PHF3: variants seen among roughly 807,000 people sequenced by gnomAD.
The protein encoded by PHF3 is PHD finger protein 3.
Under a neutral mutation model 178.4 loss-of-function variants are expected in PHF3, and 41 were observed. The observed-to-expected ratio is 0.23, with a 90% CI of 0.18 to 0.30. The LOEUF is 0.30. Among genes scored for constraint, PHF3 ranks in the 10% least tolerant of loss-of-function variants. The probability of loss-of-function intolerance (pLI) is 1.00; values close to 1 mark genes in which losing one functional copy is unlikely to be tolerated. For missense variants in PHF3, 2,346 were observed against 2,398.1 expected (o/e 0.98, Z 0.45); for synonymous variants, 842 against 800.5 (o/e 1.05, Z -0.88).
At chr6:63,699,738 A>G (rs61268055) in intron 8 of PHF3, among the ~76,000 whole-genome samples, 12,651 of 151,968 alleles carry the variant, frequency 0.083, 567 homozygotes, top group East Asian at 0.16. Context: ...TTACAGGCAC[A>G]CGCCGCCACG....
chr6:63,680,228 C>G, intron 3 of PHF3, 67 bp downstream of exon 3: 2 of 1,281,486 alleles, frequency 1.6e-6, no homozygotes, highest in Non-Finnish European at 2.1e-6. Context: ...AGGTTATAAA[C>G]CTGCTGAGCA....
chr6:63,721,555 C>T lies in PHF3; in HGVS notation c.*7847C>T, dbSNP rs892093060. The T allele has an allele frequency of 6.4e-7, 1 of 1,551,812 alleles. No individual in the cohort carries two copies. Among genetic ancestry groups the T allele is most frequent in the Non-Finnish European group, 8.7e-7 (1 of 1,146,890 alleles). On this transcript the variant is annotated 3_prime_UTR_variant, in exon 16 of 16. Coordinates refer to ENST00000262043, the MANE Select transcript of PHF3 (RefSeq NM_001370348.2). ...GGATTTACAAGATTTAAAGAAGATA[C>T]TCCTCCAATATAGAAGTCTGTATTT...
At position 63,685,554 on chromosome 6, in the gene PHF3, A is replaced by C. The variant is rs1766654617; in HGVS notation, c.1832A>C (p.His611Pro). Residue 611 changes from histidine to proline, a missense_variant, in exon 4 of 16, where the codon CAT (histidine) becomes CCT (proline). His to Pro is a moderately conservative substitution (Grantham distance 77). This residue lies in a region of PHF3 where 843 missense variants were observed against 795.2 expected (regional missense o/e 1.06). Transcript: ENST00000262043. ...HAHPGCLKEP[H>P]HPAQTGHVSH... ...CATCCTGGTTGCTTGAAAGAACCTCATCATCCTGCACAAACTGGACATGTA... is the reference window on the plus strand; with the variant it reads ...CATCCTGGTTGCTTGAAAGAACCTCCTCATCCTGCACAAACTGGACATGTA... 3 of 1,614,152 alleles carry C rather than the reference A, an allele frequency of 1.9e-6. No individual in the cohort carries two copies. Among genetic ancestry groups the C allele is most frequent in the South Asian group, 2.2e-5 (2 of 91,080 alleles).
At position 63,713,918 on chromosome 6, in the gene PHF3, A is replaced by T; in HGVS notation, c.*210A>T. On this transcript the variant is annotated 3_prime_UTR_variant, in exon 16 of 16. Transcript: ENST00000262043. ...CATACCAACGGTCCCTAGTTATAGG[A>T]ATTTAATATTTTTAAAAGTTTTACA... is the stretch of plus-strand genomic sequence containing the variant. 1 of 405,104 alleles carries T rather than the reference A, an allele frequency of 2.5e-6. No individual in the cohort carries two copies. Among genetic ancestry groups the T allele is most frequent in the Non-Finnish European group, 4.3e-6 (1 of 230,062 alleles). 25.1% of individuals were successfully genotyped at this position (405,104 alleles called of 1,614,324 possible).
chr6:63,682,766 T>C (rs533146247), intron 3 of PHF3, among the ~76,000 whole-genome samples: 2 of 152,168 alleles, frequency 1.3e-5, no homozygotes, highest in Non-Finnish European at 1.5e-5. Flanking sequence ...AATTGCTTCC[T>C]ATTGGAAAAC....
intron 1 of PHF3, among the ~76,000 whole-genome samples, chr6:63,638,670 T>G (rs774953636): frequency 6.6e-6 from 1 of 152,168 alleles, no homozygotes; most frequent in African/African-American, 2.4e-5. Context: ...GAATTCTTTC[T>G]GACAAGTGGC....
intron 4 of PHF3, among the ~76,000 whole-genome samples, chr6:63,687,563 A>C (rs909546877): frequency 6.6e-6 from 1 of 152,210 alleles, no homozygotes; most frequent in African/African-American, 2.4e-5. Flanking sequence ...AAAAATTATC[A>C]TGTGGACAGA....
At chr6:63,677,816 T>C (rs2149575393) in intron 2 of PHF3, among the ~76,000 whole-genome samples, 1 of 150,842 alleles carries the variant, frequency 6.6e-6, no homozygotes. Flanking sequence ...ATGTTTCTTA[T>C]GCATCTTTGT....
At position 63,720,413 on chromosome 6, in the gene PHF3, T is replaced by C. The variant is rs1470683799; in HGVS notation, c.*6705T>C. 59 of 522,648 alleles carry C rather than the reference T, an allele frequency of 1.1e-4. No homozygotes were observed. In the East Asian group the frequency reaches 1.8e-3, roughly 16 times the overall value. The allele number at this position is 522,648 out of a possible 1,614,324, so 32.4% of individuals were successfully genotyped here. On this transcript the variant is annotated 3_prime_UTR_variant, in exon 16 of 16. Transcript: ENST00000262043. ...TCAAAATATATACAGATAAATTAGA[T>C]GTAGGAAAAACAATCAGAACCTTCA... is the stretch of plus-strand genomic sequence containing the variant.
At chr6:63,655,219 A>G (rs1006009317) in intron 2 of PHF3, among the ~76,000 whole-genome samples, 5 of 152,006 alleles carry the variant, frequency 3.3e-5, no homozygotes, top group African/African-American at 1.2e-4. Flanking sequence ...GCCCACCACC[A>G]TGCCCGCCAC....
chr6:63,669,641 C>T (rs1186778813), intron 2 of PHF3, among the ~76,000 whole-genome samples: 2 of 152,034 alleles, frequency 1.3e-5, no homozygotes, highest in Non-Finnish European at 2.9e-5. Flanking sequence ...AGTAGTTTTT[C>T]TCTGAGGGTT....
At chr6:63,672,142 A>G (rs1451446126) in intron 2 of PHF3, among the ~76,000 whole-genome samples, 1 of 152,212 alleles carries the variant, frequency 6.6e-6, no homozygotes, top group East Asian at 1.9e-4. Context: ...TGCCTGGCCA[A>G]TATTTACAGT....
chr6:63,706,886 AC>A lies in PHF3; in HGVS notation c.3711+11del. The A allele has an allele frequency of 6.2e-7, 1 of 1,611,990 alleles. No individual in the cohort carries two copies. Among genetic ancestry groups the A allele is most frequent in the Non-Finnish European group, 8.5e-7 (1 of 1,179,134 alleles). ...AGAATACCTGACAGAGGTACTGTGA[AC>A]TTTTCTGCTTTTCTGTGCATGAATT... is the stretch of plus-strand genomic sequence containing the variant. On this transcript the variant is annotated intron_variant, in intron 13 of 15. Transcript: ENST00000262043.
Position 63,723,615 on chromosome 6 carries a change from C to T in PHF3, c.*9907C>T, listed in dbSNP as rs752802966. Reference sequence around the variant, plus strand: ...GAAGAAAGAGCAAGGATAGCTTCTGCGAAGAAAGGATTATTTTAACTCAGC... The same window carrying T: ...GAAGAAAGAGCAAGGATAGCTTCTGTGAAGAAAGGATTATTTTAACTCAGC... On this transcript the variant is annotated 3_prime_UTR_variant, in exon 16 of 16. Coordinates refer to ENST00000262043, the MANE Select transcript of PHF3 (RefSeq NM_001370348.2). Among the ~76,000 whole-genome samples, 1 of 151,788 alleles carries T rather than the reference C, an allele frequency of 6.6e-6. No homozygotes were observed. The highest frequency in any genetic ancestry group is 6.6e-5 in the Admixed American group (1 of 15,216).
intron 1 of PHF3, among the ~76,000 whole-genome samples, chr6:63,638,421 G>T (rs1455209373): frequency 1.3e-5 from 2 of 152,034 alleles, no homozygotes; most frequent in African/African-American, 2.4e-5. Flanking sequence ...TGGTGGGATG[G>T]TGTTTGCTTT....
intron 2 of PHF3, among the ~76,000 whole-genome samples, chr6:63,673,156 T>C (rs1765994123): frequency 6.6e-6 from 1 of 152,118 alleles, no homozygotes; most frequent in African/African-American, 2.4e-5. Context: ...TTACCAAATG[T>C]GCAGGATTAA....
Position 63,716,779 on chromosome 6 carries a change from T to G in PHF3, c.*3071T>G. On this transcript the variant is annotated 3_prime_UTR_variant, in exon 16 of 16. Coordinates refer to ENST00000262043, the MANE Select transcript of PHF3 (RefSeq NM_001370348.2). Reference sequence around the variant, plus strand: ...AGCCAGCAGTGTGGGACCCAGTCTTTCTCTAGTATCTCTGACCTTCCCTTC... The same window carrying G: ...AGCCAGCAGTGTGGGACCCAGTCTTGCTCTAGTATCTCTGACCTTCCCTTC... 6.6e-6 allele frequency among the ~76,000 whole-genome samples: 1 copy of G among 151,824 alleles called. No homozygotes were observed. Among genetic ancestry groups the G allele is most frequent in the East Asian group, 1.9e-4 (1 of 5,192 alleles).
chr6:63,717,527 T>C lies in PHF3; in HGVS notation c.*3819T>C, dbSNP rs533571403. On this transcript the variant is annotated 3_prime_UTR_variant, in exon 16 of 16. Coordinates refer to ENST00000262043, the MANE Select transcript of PHF3 (RefSeq NM_001370348.2). The stretch of plus-strand genomic sequence containing the variant: ...TTCTTTGATTTCTGTTTCACAATTA[T>C]AGTAATATGTAGAGCAAAAAAGTAG... Among the ~76,000 whole-genome samples, 20 of 149,196 alleles carry C rather than the reference T, an allele frequency of 1.3e-4. 2 individuals carry two copies. The East Asian group carries it at 2.0e-3, about 15-fold the overall frequency.
At position 63,721,778 on chromosome 6, in the gene PHF3, A is replaced by G; in HGVS notation, c.*8070A>G. ...GAAGTTGAACGGAACTATTTACTAAAGAGATGCATAAAAAATCACCTGCAA... is the reference window on the plus strand; with the variant it reads ...GAAGTTGAACGGAACTATTTACTAAGGAGATGCATAAAAAATCACCTGCAA... On this transcript the variant is annotated 3_prime_UTR_variant, in exon 16 of 16. Transcript: ENST00000262043. 2 of 1,543,588 alleles carry G rather than the reference A, an allele frequency of 1.3e-6. No individual in the cohort carries two copies. The highest frequency in any genetic ancestry group is 1.7e-6 in the Non-Finnish European group (2 of 1,142,900).
Sources: gnomAD v4.1 joint callset for allele counts (sites outside exome capture counted in the v4.1 genomes callset) on GRCh38, gnomAD v4.1.1 for gene constraint, gnomAD v4.1.1 regional missense constraint, MANE v1.5 for transcripts, NCBI Gene and HGNC (gene_info 2026-07-23, HGNC 2026-07-21) for gene names.